Variants in DACH1 observed in about 807,000 individuals in gnomAD.
DACH1 encodes the protein dachshund family transcription factor 1, also known as dachshund homolog 1.
A neutral mutation model predicts 54.2 loss-of-function variants in DACH1; 12 were observed. The ratio of observed to expected loss-of-function variants is 0.22; its 90% CI spans 0.14 to 0.36. DACH1 has a LOEUF of 0.36. Ranked by LOEUF, DACH1 falls within the 10% of genes least tolerant of loss-of-function variation. The probability of loss-of-function intolerance (pLI) is 1.00; values close to 1 mark genes in which losing one functional copy is unlikely to be tolerated. For missense variants in DACH1, 805 were observed against 929.8 expected (o/e 0.87, Z 1.75); for synonymous variants, 386 against 366.2 (o/e 1.05, Z -0.62).
In DACH1 at chr13:71,643,048, T is replaced by A. The variant is rs1878024219; in HGVS notation, c.965-12331A>T. Among the ~76,000 whole-genome samples the A allele has an allele frequency of 2.0e-5, 3 of 152,088 alleles. No homozygotes were observed. The South Asian group carries it at 6.2e-4, about 32-fold the overall frequency. On this transcript the variant is annotated intron_variant, in intron 2 of 10. Transcript: ENST00000613252. ...TCAAAAAAAAAAATTACAAATTCAG[T>A]TTAATATTATTATATTTTATTATTG...
At chr13:71,713,128 A>G (rs1468943036) in intron 1 of DACH1, among the ~76,000 whole-genome samples, 2 of 151,582 alleles carry the variant, frequency 1.3e-5, no homozygotes, top group African/African-American at 4.8e-5. Context: ...ACCATGGTAA[A>G]ACAATAGAAG....
chr13:71,591,910 C>A lies in DACH1; in HGVS notation c.1127-18898G>T, dbSNP rs569348070. ...ACAAAGCCATTGTATCACTGCCATG[C>A]CAAACAACAGAATCCAAAAAAAAGC... On this transcript the variant is annotated intron_variant, in intron 3 of 10. Transcript: ENST00000613252. 1.2e-4 allele frequency among the ~76,000 whole-genome samples: 18 copies of A among 152,086 alleles called. No individual in the cohort carries two copies. The Middle Eastern group carries it at 0.014, about 116-fold the overall frequency.
chr13:71,815,291 G>T (rs985976053), intron 1 of DACH1, among the ~76,000 whole-genome samples: 2 of 146,190 alleles, frequency 1.4e-5, no homozygotes, highest in South Asian at 4.5e-4. Context: ...TCTAGGTGTG[G>T]GTTTGAAAGT....
At position 71,760,982 on chromosome 13, in the gene DACH1, A is replaced by G. The variant is rs527496177; in HGVS notation, c.849-79072T>C. 9.9e-5 allele frequency among the ~76,000 whole-genome samples: 15 copies of G among 152,206 alleles called. No individual in the cohort carries two copies. In the South Asian group the frequency reaches 3.1e-3, roughly 32 times the overall value. On this transcript the variant is annotated intron_variant, in intron 1 of 10. Coordinates refer to ENST00000613252, the MANE Select transcript of DACH1 (RefSeq NM_080759.6). ...TCATAATCCATTGTCTCTATCACCA[A>G]TGTTATCTTAAATCCTTCATCTTGT...
At chr13:71,585,913 A>C (rs1287951986) in intron 3 of DACH1, among the ~76,000 whole-genome samples, 1 of 152,114 alleles carries the variant, frequency 6.6e-6, no homozygotes, top group Admixed American at 6.6e-5. Flanking sequence ...ATAGAAAAAA[A>C]AATCTTGTGT....
rs914065226 is a variant in DACH1, at chr13:71,686,399, G to A, written c.849-4489C>T. On this transcript the variant is annotated intron_variant, in intron 1 of 10. Coordinates refer to ENST00000613252, the MANE Select transcript of DACH1 (RefSeq NM_080759.6). ...CCAACCCGCCACACACAGACAGATC[G>A]CCAGGGGGGTCTTCTTTCCTTAGTT... is the stretch of plus-strand genomic sequence containing the variant. Among the ~76,000 whole-genome samples, 19 of 151,992 alleles carry A rather than the reference G, an allele frequency of 1.3e-4. No homozygotes were observed. In the East Asian group the frequency reaches 1.5e-3, roughly 12 times the overall value.
intron 1 of DACH1, among the ~76,000 whole-genome samples, chr13:71,793,977 T>C (rs369268987): frequency 3.3e-5 from 5 of 152,200 alleles, no homozygotes; most frequent in African/African-American, 1.2e-4. Context: ...ATTAATAATT[T>C]TTTCAATATG....
chr13:71,625,354 AG>A (rs1429542158), intron 3 of DACH1, among the ~76,000 whole-genome samples: 2 of 151,976 alleles, frequency 1.3e-5, no homozygotes, highest in Non-Finnish European at 2.9e-5. Flanking sequence ...GGTCTCCAAG[AG>A]TTTTTCCTGA....
intron 5 of DACH1, among the ~76,000 whole-genome samples, chr13:71,558,531 AT>A (rs893726322): frequency 1.3e-5 from 2 of 150,932 alleles, no homozygotes; most frequent in East Asian, 1.9e-4. Flanking sequence ...TTTTGTTCCA[AT>A]TTTTTTTTCT....
chr13:71,849,646 C>A (rs9564852), intron 1 of DACH1, among the ~76,000 whole-genome samples: 4 of 152,048 alleles, frequency 2.6e-5, no homozygotes, highest in Admixed American at 1.3e-4. Flanking sequence ...ATTTCCCCCC[C>A]ATCTATGGAT....
chr13:71,856,820 G>C (rs78979865), intron 1 of DACH1, among the ~76,000 whole-genome samples: 2,901 of 151,974 alleles, frequency 0.019, 98 homozygotes, highest in African/African-American at 0.064. Flanking sequence ...TGTTTTCAAA[G>C]ACAATTATAG....
At chr13:71,500,285 A>G (rs1377092359) in intron 6 of DACH1, among the ~76,000 whole-genome samples, 2 of 152,150 alleles carry the variant, frequency 1.3e-5, no homozygotes, top group Admixed American at 1.3e-4. Flanking sequence ...ATGACTTTAG[A>G]AGTAAAGCAA....
intron 1 of DACH1, among the ~76,000 whole-genome samples, chr13:71,783,042 CA>C (rs1309527578): frequency 6.6e-6 from 1 of 152,082 alleles, no homozygotes; most frequent in Non-Finnish European, 1.5e-5. Flanking sequence ...CTGGCATTGA[CA>C]GTGAAAGATA....
chr13:71,552,832 TATATATATATAGAGAG>T (rs1224222297), intron 6 of DACH1, among the ~76,000 whole-genome samples: 31 of 38,776 alleles, frequency 8.0e-4, no homozygotes, highest in East Asian at 1.3e-3. Context: ...TATATATATA[TATATATATATAGAGAG>T]AGAGAGAGAG....
At chr13:71,492,331 T>C (rs562082904) in intron 6 of DACH1, among the ~76,000 whole-genome samples, 34 of 152,284 alleles carry the variant, frequency 2.2e-4, no homozygotes, top group African/African-American at 7.5e-4. Context: ...TGGTTTAGGA[T>C]GGACCCTAAA....
chr13:71,482,079 TAA>T (rs1878087001), intron 7 of DACH1, among the ~76,000 whole-genome samples: 1 of 152,244 alleles, frequency 6.6e-6, no homozygotes, highest in Admixed American at 6.5e-5. Flanking sequence ...AAATACATTT[TAA>T]GTTTATGCCA....
At chr13:71,509,032 A>G (rs141763356) in intron 6 of DACH1, among the ~76,000 whole-genome samples, 1 of 152,266 alleles carries the variant, frequency 6.6e-6, no homozygotes, top group African/African-American at 2.4e-5. Flanking sequence ...TTTCTCTTCA[A>G]CTGTCACCCT....
chr13:71,602,173 A>G (rs2138493677), intron 3 of DACH1, among the ~76,000 whole-genome samples: 1 of 152,096 alleles, frequency 6.6e-6, no homozygotes, highest in Admixed American at 6.6e-5. Flanking sequence ...AAGCAACACA[A>G]AATTTCCTGT....
intron 1 of DACH1, among the ~76,000 whole-genome samples, chr13:71,862,623 G>A (rs1874432121): frequency 6.6e-6 from 1 of 151,822 alleles, no homozygotes; most frequent in Admixed American, 6.6e-5. Context: ...TCACCTCCTT[G>A]TGGTAATGAC....
Sources: allele counts gnomAD v4.1 joint callset (sites outside exome capture counted in the v4.1 genomes callset), GRCh38; gene constraint gnomAD v4.1.1; transcripts MANE v1.5; gene names NCBI Gene and HGNC (gene_info 2026-07-23, HGNC 2026-07-21).